STX8: variants seen among roughly 807,000 people sequenced by gnomAD.
STX8 encodes syntaxin 8, also known as syntaxin-8.
In STX8, 23 loss-of-function variants were observed where a neutral mutation model predicts 37.5. The observed-to-expected ratio is 0.61, with a 90% CI of 0.44 to 0.87. The LOEUF is 0.87. Among genes scored for constraint, STX8 ranks in the 40% least tolerant of loss-of-function variants. STX8 has a pLI of 0.00. For missense variants in STX8, 313 were observed against 284.7 expected (o/e 1.10, Z -0.71); for synonymous variants, 115 against 99.1 (o/e 1.16, Z -0.95).
chr17:9,380,550 G>A (rs918667955), intron 6 of STX8, among the ~76,000 whole-genome samples: 3 of 151,594 alleles, frequency 2.0e-5, no homozygotes, highest in African/African-American at 4.8e-5. Flanking sequence ...CACTGTGCCT[G>A]GCCTGAATTT....
At chr17:9,511,292 C>A (rs1398774879) in intron 4 of STX8, among the ~76,000 whole-genome samples, 1 of 151,998 alleles carries the variant, frequency 6.6e-6, no homozygotes, top group Non-Finnish European at 1.5e-5. Flanking sequence ...CAAAAGCAGA[C>A]AAGAATACAA....
chr17:9,542,897 C>G (rs1358925181), intron 4 of STX8, among the ~76,000 whole-genome samples: 1 of 151,998 alleles, frequency 6.6e-6, no homozygotes, highest in African/African-American at 2.4e-5. Flanking sequence ...GTAAAGGACA[C>G]AGAGATGATC....
At chr17:9,473,509 C>T (rs777843961) in intron 6 of STX8, among the ~76,000 whole-genome samples, 36 of 152,180 alleles carry the variant, frequency 2.4e-4, no homozygotes, top group Non-Finnish European at 4.4e-4. Flanking sequence ...ATAACCTACA[C>T]ACATCCTCCC....
At chr17:9,459,766 C>T (rs568658556) in intron 6 of STX8, among the ~76,000 whole-genome samples, 23 of 152,326 alleles carry the variant, frequency 1.5e-4, no homozygotes, top group African/African-American at 4.8e-4. Context: ...CCACCTGCCT[C>T]GGCCTCCCGA....
At chr17:9,432,261 A>G (rs1914012031) in intron 6 of STX8, among the ~76,000 whole-genome samples, 1 of 152,196 alleles carries the variant, frequency 6.6e-6, no homozygotes, top group Non-Finnish European at 1.5e-5. Context: ...AATACCAAAC[A>G]GAGTTAATTA....
chr17:9,353,826 T>A (rs1052071623), intron 7 of STX8, among the ~76,000 whole-genome samples: 7 of 152,352 alleles, frequency 4.6e-5, no homozygotes, highest in Middle Eastern at 3.4e-3. Context: ...TAAGTTTATT[T>A]CTCAAGATAT....
At position 9,571,203 on chromosome 17, in the gene STX8, C is replaced by T. The variant is rs73252159; in HGVS notation, c.18-2733G>A. Among the ~76,000 whole-genome samples the T allele has an allele frequency of 2.3e-3, 343 of 152,212 alleles. 2 individuals are homozygous for T. Among genetic ancestry groups the T allele is most frequent in the African/African-American group, 7.9e-3 (329 of 41,530 alleles). On this transcript the variant is annotated intron_variant, in intron 1 of 7. Coordinates refer to ENST00000306357, the MANE Select transcript of STX8 (RefSeq NM_004853.3). Reference sequence around the variant, plus strand: ...AACTCCCAGGTGTCCTGACTCCAGTCCTTGTGTTGTTATTTTAGCCCTAAA... The same window carrying T: ...AACTCCCAGGTGTCCTGACTCCAGTTCTTGTGTTGTTATTTTAGCCCTAAA...
At chr17:9,558,168 G>C (rs1907055465) in intron 2 of STX8, among the ~76,000 whole-genome samples, 1 of 152,196 alleles carries the variant, frequency 6.6e-6, no homozygotes, top group Non-Finnish European at 1.5e-5. Context: ...ATGGAGAAGA[G>C]GGCGAGAAGA....
intron 7 of STX8, among the ~76,000 whole-genome samples, chr17:9,361,589 T>C (rs761720161): frequency 3.9e-5 from 6 of 152,248 alleles, no homozygotes; most frequent in Non-Finnish European, 7.3e-5. Context: ...GAATTACTAA[T>C]TAGTGCAGCA....
rs111355102 is a variant in STX8 at position 9,507,422 on chromosome 17, T to C, written c.324-2260A>G. ...GAGAAGCAACTCCTCAGGCCACTCC[T>C]GGCAGACATGCCCCCGGGGCCATCA... is the stretch of plus-strand genomic sequence containing the variant. On this transcript the variant is annotated intron_variant, in intron 4 of 7. Transcript: ENST00000306357. The surrounding 1 kb of genome is among the most constrained non-coding windows in gnomAD (Gnocchi z 4.0). Among the ~76,000 whole-genome samples, 2,673 of 151,428 alleles carry C rather than the reference T, an allele frequency of 0.018. 81 individuals carry two copies. Among genetic ancestry groups the C allele is most frequent in the African/African-American group, 0.062 (2,564 of 41,260 alleles).
intron 6 of STX8, among the ~76,000 whole-genome samples, chr17:9,382,541 C>A (rs1911859648): frequency 6.6e-6 from 1 of 152,108 alleles, no homozygotes; most frequent in Non-Finnish European, 1.5e-5. Flanking sequence ...ATCAACTCGT[C>A]ATTTACATTA....
At chr17:9,300,884 G>A (rs1376725443) in intron 7 of STX8, among the ~76,000 whole-genome samples, 5 of 138,218 alleles carry the variant, frequency 3.6e-5, no homozygotes, top group Non-Finnish European at 6.1e-5. Flanking sequence ...CCAGGCTGGA[G>A]TGCAGTGATG....
chr17:9,356,835 T>C (rs1341628588), intron 7 of STX8, among the ~76,000 whole-genome samples: 2 of 152,174 alleles, frequency 1.3e-5, no homozygotes, highest in Admixed American at 6.5e-5. Context: ...CCAGGAGTAC[T>C]GTGGTGTGCA....
intron 7 of STX8, among the ~76,000 whole-genome samples, chr17:9,335,849 T>TAGACACACACACACACA (rs66985693): frequency 5.2e-5 from 2 of 38,514 alleles, no homozygotes; most frequent in Non-Finnish European, 2.0e-4. Context: ...ACACACACAC[T>TAGACACACACACACACA]CACACTCACG....
At chr17:9,268,361 A>G (rs1487316430) in intron 7 of STX8, among the ~76,000 whole-genome samples, 1 of 152,202 alleles carries the variant, frequency 6.6e-6, no homozygotes, top group Non-Finnish European at 1.5e-5. Flanking sequence ...CCTCTTACCA[A>G]AAGTGGCAGC....
chr17:9,556,821 T>TATATATATATA (rs1324971087), intron 3 of STX8: 29 of 138,928 alleles, frequency 2.1e-4, no homozygotes, highest in Non-Finnish European at 3.1e-4. Context: ...ATATATATAT[T>TATATATATATA]TTAACACTTG....
chr17:9,324,156 A>AC (rs769458915), intron 7 of STX8, among the ~76,000 whole-genome samples: 1,598 of 142,276 alleles, frequency 0.011, 41 homozygotes, highest in Admixed American at 0.068. Context: ...ACACACACAC[A>AC]AACACAAACA....
chr17:9,294,742 A>G (rs1597588678), intron 7 of STX8, among the ~76,000 whole-genome samples: 1 of 152,206 alleles, frequency 6.6e-6, no homozygotes, highest in East Asian at 1.9e-4. Context: ...TTGAAGCCCA[A>G]ATCCTCAATG....
chr17:9,568,151 A>C (rs1233424873), intron 2 of STX8, among the ~76,000 whole-genome samples: 1 of 152,222 alleles, frequency 6.6e-6, no homozygotes, highest in Non-Finnish European at 1.5e-5. Context: ...ATTGTTAGAA[A>C]TATTTAAAGT....
Sources: allele counts gnomAD v4.1 joint callset (sites outside exome capture counted in the v4.1 genomes callset), GRCh38; gene constraint gnomAD v4.1.1; non-coding constraint Gnocchi (gnomAD v3.1); transcripts MANE v1.5; gene names NCBI Gene and HGNC (gene_info 2026-07-23, HGNC 2026-07-21).